The following MERTK variants were observed in gnomAD, a reference collection of about 807,000 sequenced individuals.
The protein encoded by MERTK is tyrosine-protein kinase Mer.
MERTK carries 69 observed loss-of-function variants against 99.3 expected under a neutral mutation model. The ratio of observed to expected loss-of-function variants is 0.70; its 90% CI spans 0.57 to 0.85. The LOEUF (loss-of-function observed/expected upper bound fraction) is 0.85, where lower values mean the gene tolerates loss of function less well. Among genes scored for constraint, MERTK ranks in the 40% least tolerant of loss-of-function variants. The pLI is 0.00. For missense variants in MERTK, 1,125 were observed against 1,249.4 expected (o/e 0.90, Z 1.50); for synonymous variants, 426 against 467.6 (o/e 0.91, Z 1.15).
chr2:111,960,973 C>G (rs1316317605), intron 4 of MERTK, among the ~76,000 whole-genome samples: 1 of 151,260 alleles, frequency 6.6e-6, no homozygotes, highest in African/African-American at 2.4e-5. Flanking sequence ...CACAGGGATC[C>G]TTTTATAGAT....
Position 112,028,691 on chromosome 2 carries a change from T to C in MERTK, c.2827T>C (p.Ser943Pro). Reference protein sequence around the residue: ...GGSEEWEDLTSAPSAAVTAEK... With the variant: ...GGSEEWEDLTPAPSAAVTAEK... ...CAGTGAGGAATGGGAAGATCTGACT[T>C]CTGCCCCCTCTGCTGCAGTCACAGC... Residue 943 changes from serine (S) to proline (P), a missense_variant, in exon 19 of 19, where the codon TCT becomes CCT. Coordinates refer to ENST00000295408, the MANE Select transcript of MERTK (RefSeq NM_006343.3). 6.2e-7 allele frequency: 1 copy of C among 1,614,188 alleles called. No individual in the cohort carries two copies. The highest frequency in any genetic ancestry group is 8.5e-7 in the Non-Finnish European group (1 of 1,180,032).
In MERTK at chr2:111,916,565, G is replaced by C. The variant is rs1297681740; in HGVS notation, c.62-12555G>C. Among the ~76,000 whole-genome samples, 3 of 151,892 alleles carry C rather than the reference G, an allele frequency of 2.0e-5. No individual in the cohort carries two copies. In the East Asian group the frequency reaches 5.8e-4, roughly 29 times the overall value. On this transcript the variant is annotated intron_variant, in intron 1 of 18. Coordinates refer to ENST00000295408, the MANE Select transcript of MERTK (RefSeq NM_006343.3). ...AAAATTTCCTTTTGATTTTTAAAAAGATCTTCTATTTCTTTACTGAGACTT... is the reference window on the plus strand; with the variant it reads ...AAAATTTCCTTTTGATTTTTAAAAACATCTTCTATTTCTTTACTGAGACTT...
At chr2:111,948,880 G>T (rs1293022734) in intron 4 of MERTK, among the ~76,000 whole-genome samples, 1 of 151,970 alleles carries the variant, frequency 6.6e-6, no homozygotes, top group Non-Finnish European at 1.5e-5. Context: ...GTCTTAGACT[G>T]TCACCCAGTC....
At chr2:111,925,864 G>A (rs571075332) in intron 1 of MERTK, among the ~76,000 whole-genome samples, 1 of 148,378 alleles carries the variant, frequency 6.7e-6, no homozygotes, top group African/African-American at 2.5e-5. Context: ...ACAGAGTCTC[G>A]CTCTGTCCCC....
At chr2:112,021,296 C>G in intron 16 of MERTK, 126 bp from the exon 17 acceptor site, 1 of 1,380,378 alleles carries the variant, frequency 7.2e-7, no homozygotes, top group South Asian at 1.2e-5. Context: ...AGCATGCTCA[C>G]AGGCTGGTGG....
In MERTK at chr2:112,001,268, C is replaced by T. The variant is rs774755041; in HGVS notation, c.1672C>T (p.Arg558Ter). 6.2e-6 allele frequency: 10 copies of T among 1,613,176 alleles called. No homozygotes were observed. Among genetic ancestry groups the T allele is most frequent in the African/African-American group, 1.3e-5 (1 of 74,864 alleles). Residue 558 changes from arginine to a stop codon, truncating the protein, a stop_gained, in exon 11 of 19, where the codon CGA (arginine) becomes TGA (stop). Coordinates refer to ENST00000295408, the MANE Select transcript of MERTK (RefSeq NM_006343.3). LOFTEE classifies it high-confidence loss of function. ...TATAGCAAAGAAATCCTTCTGTCGG[C>T]GAGCCATTGAACTTACCTGTAAGTT... Reference protein sequence around the residue: ...NYIAKKSFCRRAIELTLHSLG... With the variant: ...NYIAKKSFCR
chr2:111,947,779 T>A (rs1330334862), intron 4 of MERTK, among the ~76,000 whole-genome samples: 2 of 152,100 alleles, frequency 1.3e-5, no homozygotes, highest in African/African-American at 2.4e-5. Flanking sequence ...GGTGAGGGCC[T>A]CTGGGGGTAC....
intron 14 of MERTK, 92 bp from the exon 15 acceptor site, chr2:112,009,855 CA>C (rs1424375024): frequency 2.1e-6 from 2 of 947,052 alleles, no homozygotes; most frequent in African/African-American, 3.2e-5. Context: ...AACTTGGTAA[CA>C]CACGGCTTCA....
At chr2:112,003,499 G>T in intron 12 of MERTK, 1 of 332,240 alleles carries the variant, frequency 3.0e-6, no homozygotes, top group South Asian at 3.3e-5. Context: ...TAGTTCTTAA[G>T]TTCATTGTTC....
intron 7 of MERTK, among the ~76,000 whole-genome samples, chr2:111,976,587 T>C (rs953714526): frequency 6.6e-6 from 1 of 151,632 alleles, no homozygotes; most frequent in Non-Finnish European, 1.5e-5. Context: ...ATTATATATA[T>C]GTACATATAC....
At chr2:111,931,389 CAATTACATAG>C (rs1684668087) in intron 2 of MERTK, among the ~76,000 whole-genome samples, 1 of 152,138 alleles carries the variant, frequency 6.6e-6, no homozygotes, top group African/African-American at 2.4e-5. Flanking sequence ...AGATGTCTTA[CAATTACATAG>C]ACATAGCTTC....
chr2:111,929,355 A>T lies in MERTK; in HGVS notation c.297A>T (p.Thr99=). 6.2e-7 allele frequency: 1 copy of T among 1,614,160 alleles called. No individual in the cohort carries two copies. Among genetic ancestry groups the T allele is most frequent in the South Asian group, 1.1e-5 (1 of 91,080 alleles). Residue 99 remains threonine (T), a synonymous_variant, in exon 2 of 19, where the codon ACA becomes ACT. Coordinates refer to ENST00000295408, the MANE Select transcript of MERTK (RefSeq NM_006343.3). ...KPLPPLAFKH[T]VGHIILSEHK... is the part of the protein sequence containing the mutation. Reference sequence around the variant, plus strand: ...TACCGCCTCTTGCCTTCAAACACACAGTTGGACACATAATACTTTCTGAAC... The same window carrying T: ...TACCGCCTCTTGCCTTCAAACACACTGTTGGACACATAATACTTTCTGAAC...
At chr2:111,971,785 A>G (rs1676124380) in intron 6 of MERTK, among the ~76,000 whole-genome samples, 1 of 152,126 alleles carries the variant, frequency 6.6e-6, no homozygotes, top group Admixed American at 6.6e-5. Context: ...CTGTTGTTGG[A>G]TGAAGTGTTT....
intron 4 of MERTK, among the ~76,000 whole-genome samples, chr2:111,951,540 TATATATATAC>T (rs1685056416): frequency 8.0e-6 from 1 of 125,616 alleles, no homozygotes; most frequent in Admixed American, 8.5e-5. Flanking sequence ...TATATATATA[TATATATATAC>T]CATAATTTTT....
chr2:111,960,338 G>A (rs1375977362), intron 4 of MERTK, among the ~76,000 whole-genome samples: 6 of 151,842 alleles, frequency 4.0e-5, no homozygotes, highest in African/African-American at 9.7e-5. Flanking sequence ...AAAATTAACC[G>A]GGCGTGGTGG....
At chr2:111,902,419 C>G (rs1283116041) in intron 1 of MERTK, among the ~76,000 whole-genome samples, 2 of 152,168 alleles carry the variant, frequency 1.3e-5, no homozygotes, top group Non-Finnish European at 2.9e-5. Context: ...ATTGTATTTT[C>G]CATTTGAAAA....
chr2:111,953,110 A>G (rs1685086781), intron 4 of MERTK, among the ~76,000 whole-genome samples: 1 of 152,180 alleles, frequency 6.6e-6, no homozygotes, highest in African/African-American at 2.4e-5. Flanking sequence ...AGCATTCACC[A>G]GAAGGTGCTT....
At chr2:111,956,523 A>G (rs1261925496) in intron 4 of MERTK, among the ~76,000 whole-genome samples, 1 of 152,184 alleles carries the variant, frequency 6.6e-6, no homozygotes, top group Non-Finnish European at 1.5e-5. Flanking sequence ...AGTTAGCTGG[A>G]TATAATTATT....
chr2:111,976,426 C>T (rs540291000), intron 7 of MERTK, among the ~76,000 whole-genome samples: 1 of 152,160 alleles, frequency 6.6e-6, no homozygotes, highest in South Asian at 2.1e-4. Flanking sequence ...AGATTGTTTT[C>T]TGAGGCCTGC....
Sources: gnomAD v4.1 joint callset for allele counts (sites outside exome capture counted in the v4.1 genomes callset) on GRCh38, gnomAD v4.1.1 for gene constraint, MANE v1.5 for transcripts, NCBI Gene and HGNC (gene_info 2026-07-23, HGNC 2026-07-21) for gene names.